KANSL1: variants seen among roughly 807,000 people sequenced by gnomAD.
KANSL1 encodes MLL1/MLL complex subunit KANSL1.
In KANSL1, 22 loss-of-function variants were observed where a neutral mutation model predicts 103.6. The ratio of observed to expected loss-of-function variants is 0.21; its 90% CI spans 0.15 to 0.30. The LOEUF (loss-of-function observed/expected upper bound fraction) is 0.30. Among genes scored for constraint, KANSL1 ranks in the 10% least tolerant of loss-of-function variants. KANSL1 has a pLI of 1.00. For missense variants in KANSL1, 1,337 were observed against 1,399.8 expected (o/e 0.96, Z 0.72); for synonymous variants, 600 against 527.6 (o/e 1.14, Z -1.88).
At chr17:46,225,180 CG>C (rs1358849369), upstream of KANSL1, among the ~76,000 whole-genome samples, 1 of 152,056 alleles carries the variant, frequency 6.6e-6, no homozygotes, top group Non-Finnish European at 1.5e-5. Flanking sequence ...CGGCGGCGCC[CG>C]CTCCCCGGGC....
chr17:46,159,948 A>C (rs1048463690), intron 2 of KANSL1, among the ~76,000 whole-genome samples: 1 of 152,228 alleles, frequency 6.6e-6, no homozygotes, highest in Non-Finnish European at 1.5e-5. Context: ...AGCTGTCTAA[A>C]GGAGTTACAG....
chr17:46,046,736 C>T (rs951975324), intron 7 of KANSL1, among the ~76,000 whole-genome samples: 2 of 150,428 alleles, frequency 1.3e-5, no homozygotes, highest in Admixed American at 6.7e-5. Context: ...ACTCAGGAGG[C>T]TGAGGCAGGA....
intron 1 of KANSL1, among the ~76,000 whole-genome samples, chr17:46,181,449 G>A (rs1413281314): frequency 6.7e-6 from 1 of 149,156 alleles, no homozygotes; most frequent in Non-Finnish European, 1.5e-5. Flanking sequence ...TTTTTTTTGA[G>A]ACAAAGTCTC....
At chr17:46,065,195 C>T (rs2078333921) in intron 6 of KANSL1, among the ~76,000 whole-genome samples, 1 of 151,718 alleles carries the variant, frequency 6.6e-6, no homozygotes, top group Non-Finnish European at 1.5e-5. Context: ...TCTCAAACTC[C>T]TGAACGCAAG....
chr17:46,058,518 A>G (rs1372334445), intron 6 of KANSL1, among the ~76,000 whole-genome samples: 1 of 152,254 alleles, frequency 6.6e-6, no homozygotes, highest in Non-Finnish European at 1.5e-5. Flanking sequence ...TTTCAGCTTA[A>G]AACATAAATA....
chr17:46,185,690 TATACACACACAC>T (rs1161309371), intron 1 of KANSL1, among the ~76,000 whole-genome samples: 1 of 65,982 alleles, frequency 1.5e-5, no homozygotes, highest in African/African-American at 4.6e-5. Flanking sequence ...CACACACATA[TATACACACACAC>T]ACACACACAC....
intron 2 of KANSL1, chr17:46,169,697 G>A (rs2046183256): frequency 6.6e-6 from 1 of 152,170 alleles, no homozygotes; most frequent in African/African-American, 2.4e-5. Context: ...ATATTCCTAA[G>A]GAGATAAATG....
At chr17:46,040,700 C>T (rs1408170250) in intron 7 of KANSL1, 2 of 152,212 alleles carry the variant, frequency 1.3e-5, no homozygotes, top group Admixed American at 1.3e-4. Context: ...CAACAACAAA[C>T]TTGTGGTATT....
chr17:46,135,667 G>A (rs2044100768), intron 2 of KANSL1, among the ~76,000 whole-genome samples: 1 of 148,388 alleles, frequency 6.7e-6, no homozygotes, highest in Admixed American at 6.7e-5. Context: ...AAGTAGCTGG[G>A]ACTACAGGCA....
rs747499240 is a variant in KANSL1, at chr17:46,170,892, G to A, written c.1252C>T (p.Leu418=). Residue 418 remains leucine, a synonymous_variant, in exon 2 of 15, where the codon CTG becomes TTG. Coordinates refer to ENST00000432791, the MANE Select transcript of KANSL1 (RefSeq NM_015443.4). The part of the protein sequence containing the change: ...GGESDIEEEE[L]TRADPEQRHV... ...CGCTGCTCGGGATCAGCTCTGGTCA[G>A]TTCTTCCTCTTCAATATCAGACTCC... 2 of 1,613,488 alleles carry A rather than the reference G, an allele frequency of 1.2e-6. No individual in the cohort carries two copies. Among genetic ancestry groups the A allele is most frequent in the Non-Finnish European group, 1.7e-6 (2 of 1,179,822 alleles).
intron 7 of KANSL1, among the ~76,000 whole-genome samples, chr17:46,049,057 T>G (rs1379384108): frequency 1.3e-5 from 2 of 152,262 alleles, no homozygotes; most frequent in Non-Finnish European, 2.9e-5. Context: ...TCTGGTTTGG[T>G]AGATCTGTTG....
At chr17:46,218,455 TCAC>T (rs1197860441) in intron 1 of KANSL1, among the ~76,000 whole-genome samples, 1 of 152,236 alleles carries the variant, frequency 6.6e-6, no homozygotes, top group East Asian at 1.9e-4. Flanking sequence ...GCCCTCTCTC[TCAC>T]CACTAGTGTA....
chr17:46,155,624 T>C (rs1534456), intron 2 of KANSL1, among the ~76,000 whole-genome samples: 17,115 of 150,086 alleles, frequency 0.11, no homozygotes, highest in Non-Finnish European at 0.17. Context: ...TAGCTTCCCA[T>C]GACAAATAAT....
chr17:46,209,036 A>G (rs1328470289), intron 1 of KANSL1, among the ~76,000 whole-genome samples: 4 of 151,568 alleles, frequency 2.6e-5, no homozygotes, highest in African/African-American at 4.9e-5. Context: ...TACAGAAATT[A>G]GCCAGGCGTG....
At chr17:46,145,055 C>T (rs942618896) in intron 2 of KANSL1, among the ~76,000 whole-genome samples, 4 of 152,152 alleles carry the variant, frequency 2.6e-5, no homozygotes, top group African/African-American at 7.2e-5. Flanking sequence ...GAGGATTTGG[C>T]CAGAAATAAT....
intron 4 of KANSL1, among the ~76,000 whole-genome samples, chr17:46,071,890 C>T (rs2078589331): frequency 6.6e-6 from 1 of 152,012 alleles, no homozygotes; most frequent in Non-Finnish European, 1.5e-5. Flanking sequence ...CTCTGTAATC[C>T]CCTCCTCTCC....
chr17:46,139,020 T>G (rs1027692657), intron 2 of KANSL1, among the ~76,000 whole-genome samples: 1 of 152,250 alleles, frequency 6.6e-6, no homozygotes, highest in Non-Finnish European at 1.5e-5. Context: ...TACAAATTTC[T>G]AATCTGCTAA....
At chr17:46,148,386 C>G (rs1210131245) in intron 2 of KANSL1, 1 of 152,184 alleles carries the variant, frequency 6.6e-6, no homozygotes, top group African/African-American at 2.4e-5. Context: ...ATAACTATCA[C>G]CTGGTTGGAC....
intron 2 of KANSL1, among the ~76,000 whole-genome samples, chr17:46,138,698 T>C (rs765802614): frequency 1.1e-4 from 16 of 152,248 alleles, no homozygotes; most frequent in Non-Finnish European, 1.9e-4. Context: ...TGTGAATACA[T>C]ACGTGGCTAA....
Sources: gnomAD v4.1 joint callset for allele counts (sites outside exome capture counted in the v4.1 genomes callset) on GRCh38, gnomAD v4.1.1 for gene constraint, MANE v1.5 for transcripts, NCBI Gene and HGNC (gene_info 2026-07-23, HGNC 2026-07-21) for gene names.